Variants in GRIN2A observed in about 807,000 individuals in gnomAD.
GRIN2A encodes the protein glutamate ionotropic receptor NMDA type subunit 2A, also known as glutamate receptor ionotropic, NMDA 2A.
A neutral mutation model predicts 113.4 loss-of-function variants in GRIN2A; 22 were observed. The observed-to-expected ratio is 0.19, with a 90% CI of 0.14 to 0.28. The LOEUF (loss-of-function observed/expected upper bound fraction) is 0.28. Among genes scored for constraint, GRIN2A ranks in the 10% least tolerant of loss-of-function variants. The pLI is 1.00. For synonymous variants in GRIN2A, 827 were observed against 738.4 expected (o/e 1.12, Z -1.94); for missense variants, 1,502 against 1,887.0 (o/e 0.80, Z 3.78).
chr16:9,770,239 A>C (rs1901176470), intron 11 of GRIN2A, among the ~76,000 whole-genome samples: 1 of 152,172 alleles, frequency 6.6e-6, no homozygotes, highest in Non-Finnish European at 1.5e-5. Context: ...GTGTATGCTA[A>C]ATGAAAAGTA....
At chr16:9,906,329 T>C (rs773276450) in intron 3 of GRIN2A, among the ~76,000 whole-genome samples, 2 of 152,214 alleles carry the variant, frequency 1.3e-5, no homozygotes, top group African/African-American at 2.4e-5. Flanking sequence ...AAACCACTCA[T>C]GGTATCCCAG....
chr16:9,897,636 G>A (rs1443357735), intron 3 of GRIN2A, among the ~76,000 whole-genome samples: 1 of 152,164 alleles, frequency 6.6e-6, no homozygotes, highest in Non-Finnish European at 1.5e-5. Flanking sequence ...TTGATTTCAT[G>A]TTGGAGTAGT....
At chr16:10,098,528 C>A (rs1418672355) in intron 2 of GRIN2A, among the ~76,000 whole-genome samples, 2 of 151,982 alleles carry the variant, frequency 1.3e-5, no homozygotes, top group African/African-American at 4.8e-5. Flanking sequence ...GCACAATTCA[C>A]AAATGCAAAA....
chr16:9,995,833 G>A (rs976627102), intron 2 of GRIN2A, among the ~76,000 whole-genome samples: 1 of 152,038 alleles, frequency 6.6e-6, no homozygotes, highest in African/African-American at 2.4e-5. Flanking sequence ...AGGGGATAGA[G>A]AAGTAAGGCT....
At chr16:10,075,180 C>T (rs1032635159) in intron 2 of GRIN2A, among the ~76,000 whole-genome samples, 1 of 152,032 alleles carries the variant, frequency 6.6e-6, no homozygotes, top group Non-Finnish European at 1.5e-5. Context: ...GTATCCAGTA[C>T]CTGGCGCGTA....
At chr16:10,024,427 C>G (rs947303606) in intron 2 of GRIN2A, among the ~76,000 whole-genome samples, 1 of 152,192 alleles carries the variant, frequency 6.6e-6, no homozygotes, top group Non-Finnish European at 1.5e-5. Context: ...ACCATGTTAG[C>G]CAAGCTGGTC....
chr16:10,143,692 C>T (rs1199121782), intron 2 of GRIN2A, among the ~76,000 whole-genome samples: 2 of 152,080 alleles, frequency 1.3e-5, no homozygotes. Flanking sequence ...GGGCAGGGTG[C>T]GATGGCTCAT....
chr16:9,877,025 T>C (rs557349126), intron 4 of GRIN2A, among the ~76,000 whole-genome samples: 25 of 152,184 alleles, frequency 1.6e-4, no homozygotes, highest in Non-Finnish European at 3.1e-4. Context: ...ACAACCTATA[T>C]GAAAATTTCC....
chr16:10,051,653 G>T (rs1453990453), intron 2 of GRIN2A, among the ~76,000 whole-genome samples: 1 of 152,316 alleles, frequency 6.6e-6, no homozygotes. Flanking sequence ...ACACAACTTG[G>T]CAAAGAGAAA....
chr16:9,906,675 T>C (rs1343491270), intron 3 of GRIN2A, among the ~76,000 whole-genome samples: 1 of 152,182 alleles, frequency 6.6e-6, no homozygotes, highest in African/African-American at 2.4e-5. Context: ...GGGAGAAATA[T>C]GGAAAGGAGA....
At chr16:10,175,165 G>A (rs768559076) in intron 2 of GRIN2A, among the ~76,000 whole-genome samples, 1 of 152,186 alleles carries the variant, frequency 6.6e-6, no homozygotes, top group Admixed American at 6.5e-5. Flanking sequence ...ATACCACCTA[G>A]GTTTGTGTAA....
At chr16:9,988,144 A>G (rs1053581932) in intron 2 of GRIN2A, among the ~76,000 whole-genome samples, 3 of 152,088 alleles carry the variant, frequency 2.0e-5, no homozygotes, top group African/African-American at 7.2e-5. Flanking sequence ...AGATCTCAAG[A>G]GAAGTAGGAG....
At chr16:9,997,774 G>A (rs1311131436) in intron 2 of GRIN2A, among the ~76,000 whole-genome samples, 1 of 152,186 alleles carries the variant, frequency 6.6e-6, no homozygotes, top group Admixed American at 6.5e-5. Flanking sequence ...CTATTCTCAT[G>A]ATAGTGAATA....
At chr16:10,176,315 C>T (rs1384162057) in intron 2 of GRIN2A, among the ~76,000 whole-genome samples, 2 of 152,038 alleles carry the variant, frequency 1.3e-5, no homozygotes, top group Non-Finnish European at 2.9e-5. Context: ...TTATTTTCAC[C>T]TCTAATTTAG....
chr16:10,050,189 C>A (rs944131063), intron 2 of GRIN2A, among the ~76,000 whole-genome samples: 12 of 152,124 alleles, frequency 7.9e-5, no homozygotes, highest in African/African-American at 2.4e-4. Context: ...CAGAGGGAGA[C>A]AAGGACTTGA....
intron 3 of GRIN2A, among the ~76,000 whole-genome samples, chr16:9,891,801 T>TA (rs1295280993): frequency 5.9e-5 from 9 of 152,100 alleles, no homozygotes; most frequent in Non-Finnish European, 1.2e-4. Context: ...GTGGTGTGCA[T>TA]ACCAGGAACT....
At chr16:9,934,838 G>T (rs1325733274) in intron 3 of GRIN2A, among the ~76,000 whole-genome samples, 1 of 151,914 alleles carries the variant, frequency 6.6e-6, no homozygotes, top group African/African-American at 2.4e-5. Context: ...GAGAGTGTGG[G>T]AAGGAGAGAC....
chr16:9,949,302 T>C (rs1261105727), intron 2 of GRIN2A, among the ~76,000 whole-genome samples: 1 of 152,166 alleles, frequency 6.6e-6, no homozygotes, highest in Non-Finnish European at 1.5e-5. Context: ...AGCAGGTGAA[T>C]GGATGGACAG....
At chr16:10,114,026 G>GA (rs953656324) in intron 2 of GRIN2A, among the ~76,000 whole-genome samples, 64 of 149,738 alleles carry the variant, frequency 4.3e-4, no homozygotes, top group Admixed American at 1.0e-3. Context: ...AAAAAAAAAA[G>GA]AAAAAAAAAG....
Sources: gnomAD v4.1 joint callset for allele counts (sites outside exome capture counted in the v4.1 genomes callset) on GRCh38, gnomAD v4.1.1 for gene constraint, MANE v1.5 for transcripts, NCBI Gene and HGNC (gene_info 2026-07-23, HGNC 2026-07-21) for gene names.